The following POLR1F variants were observed in gnomAD, a reference collection of about 807,000 sequenced individuals.
POLR1F encodes the protein RNA polymerase I subunit F, also known as DNA-directed RNA polymerase I subunit RPA43.
A neutral mutation model predicts 21.8 loss-of-function variants in POLR1F; 23 were observed. That is an observed-to-expected ratio of 1.05 (90% CI 0.76 to 1.49). POLR1F has a LOEUF of 1.49. Ranked by LOEUF, POLR1F falls within the 40% of genes most tolerant of loss-of-function variation. POLR1F has a pLI of 0.00. For missense variants in POLR1F, 435 were observed against 412.1 expected (o/e 1.06, Z -0.48); for synonymous variants, 162 against 152.8 (o/e 1.06, Z -0.45).
chr7:19,698,629 G>C lies in POLR1F; in HGVS notation c.704C>G (p.Pro235Arg). Reference sequence around the variant, plus strand: ...ACCACTGTCCACTTCATATGTCTCTGGGTCTTTCTTCTTTTTCTTCTTTTT... The same window carrying C: ...ACCACTGTCCACTTCATATGTCTCTCGGTCTTTCTTCTTTTTCTTCTTTTT... ...KPKKKKKKKDPETYEVDSGTT... is the reference protein window; with the variant it reads ...KPKKKKKKKDRETYEVDSGTT... Residue 235 changes from proline to arginine, a missense_variant, in exon 4 of 4, where the codon CCA (proline) becomes CGA (arginine). Coordinates refer to ENST00000222567, the MANE Select transcript of POLR1F (RefSeq NM_001002926.2). The C allele has an allele frequency of 6.2e-7, 1 of 1,602,804 alleles. No individual in the cohort carries two copies. Among genetic ancestry groups the C allele is most frequent in the Non-Finnish European group, 8.5e-7 (1 of 1,177,420 alleles).
chr7:19,704,327 C>T (rs190294888), intron 2 of POLR1F, among the ~76,000 whole-genome samples: 84 of 152,284 alleles, frequency 5.5e-4, no homozygotes, highest in Non-Finnish European at 1.0e-3. Context: ...ACTGGAAGAC[C>T]TTTCCCACAG....
In POLR1F at chr7:19,696,094, T is replaced by G. The variant is rs557332516; in HGVS notation, c.*2222A>C. Reference sequence around the variant, plus strand: ...TCTAGTCTAGGCTATAGGGTTTGTATGAGCAAATTCCAAGATAGAAAAGAT... The same window carrying G: ...TCTAGTCTAGGCTATAGGGTTTGTAGGAGCAAATTCCAAGATAGAAAAGAT... On this transcript the variant is annotated 3_prime_UTR_variant, in exon 4 of 4. Coordinates refer to ENST00000222567, the MANE Select transcript of POLR1F (RefSeq NM_001002926.2). 5 of 152,168 alleles carry G rather than the reference T, an allele frequency of 3.3e-5. No individual in the cohort carries two copies. In the South Asian group the frequency reaches 6.2e-4, roughly 19 times the overall value. The allele number at this position is 152,168 out of a possible 1,614,324, so 9.4% of individuals were successfully genotyped here.
chr7:19,696,336 T>TTTAA lies in POLR1F; in HGVS notation c.*1976_*1979dup, dbSNP rs1783364214. 1 of 152,090 alleles carries TTTAA rather than the reference T, an allele frequency of 6.6e-6. No homozygotes were observed. The highest frequency in any genetic ancestry group is 6.5e-5 in the Admixed American group (1 of 15,268). 9.4% of individuals were successfully genotyped at this position (152,090 alleles called of 1,614,324 possible). A position where few individuals can be genotyped will look rare whatever the true frequency, so the allele number is the denominator to read the frequency against. On this transcript the variant is annotated 3_prime_UTR_variant, in exon 4 of 4. Transcript: ENST00000222567. ...TTCAAGTTCAGCATGCCGTTCCCTG[T>TTTAA]TTAATTCATAAAACACAACTGGCAG... is the stretch of plus-strand genomic sequence containing the variant.
chr7:19,701,623 A>G (rs1046711726), intron 2 of POLR1F, among the ~76,000 whole-genome samples: 5 of 152,194 alleles, frequency 3.3e-5, no homozygotes, highest in African/African-American at 1.2e-4. Context: ...ACCTTAGAGC[A>G]TTAAGTTACA....
chr7:19,702,918 C>A (rs913555678), intron 2 of POLR1F, among the ~76,000 whole-genome samples: 1 of 152,162 alleles, frequency 6.6e-6, no homozygotes, highest in African/African-American at 2.4e-5. Flanking sequence ...AATGGGAAAT[C>A]AGTCTGACAA....
At position 19,696,087 on chromosome 7, in the gene POLR1F, G is replaced by A. The variant is rs1490830839; in HGVS notation, c.*2229C>T. 1 of 152,072 alleles carries A rather than the reference G, an allele frequency of 6.6e-6. No homozygotes were observed. Among genetic ancestry groups the A allele is most frequent in the Non-Finnish European group, 1.5e-5 (1 of 67,940 alleles). 9.4% of individuals were successfully genotyped at this position (152,072 alleles called of 1,614,324 possible). A position where few individuals can be genotyped will look rare whatever the true frequency, so the allele number is the denominator to read the frequency against. ...TAAGGGATCTAGTCTAGGCTATAGG[G>A]TTTGTATGAGCAAATTCCAAGATAG... On this transcript the variant is annotated 3_prime_UTR_variant, in exon 4 of 4. Coordinates refer to ENST00000222567, the MANE Select transcript of POLR1F (RefSeq NM_001002926.2).
At position 19,695,993 on chromosome 7, in the gene POLR1F, T is replaced by G. The variant is rs1223468825; in HGVS notation, c.*2323A>C. On this transcript the variant is annotated 3_prime_UTR_variant, in exon 4 of 4. Coordinates refer to ENST00000222567, the MANE Select transcript of POLR1F (RefSeq NM_001002926.2). ...GCAGAAACTGCTTAAAAGTCATTTC[T>G]GTATCACTGGTGACTAGTGAGGTGT... The G allele has an allele frequency of 1.3e-5, 2 of 152,214 alleles. No homozygotes were observed. 9.4% of individuals were successfully genotyped at this position (152,214 alleles called of 1,614,324 possible).
chr7:19,697,930 A>G lies in POLR1F; in HGVS notation c.*386T>C, dbSNP rs562668195. 1.3e-5 allele frequency: 2 copies of G among 158,106 alleles called. No homozygotes were observed. Among genetic ancestry groups the G allele is most frequent in the East Asian group, 3.7e-4 (2 of 5,404 alleles). The allele number at this position is 158,106 out of a possible 1,614,324, so 9.8% of individuals were successfully genotyped here. ...AATAGCATGTAATAAGGTGAAGCCTATTAAACACACACAAAATCAAATCAT... is the reference window on the plus strand; with the variant it reads ...AATAGCATGTAATAAGGTGAAGCCTGTTAAACACACACAAAATCAAATCAT... On this transcript the variant is annotated 3_prime_UTR_variant, in exon 4 of 4. Coordinates refer to ENST00000222567, the MANE Select transcript of POLR1F (RefSeq NM_001002926.2).
chr7:19,703,599 T>C (rs1335121336), intron 2 of POLR1F, among the ~76,000 whole-genome samples: 2 of 152,136 alleles, frequency 1.3e-5, no homozygotes, highest in African/African-American at 4.8e-5. Flanking sequence ...TCCGTGTATG[T>C]GTGTGTGTAT....
Position 19,708,689 on chromosome 7 carries a change from C to A in POLR1F, c.254+74G>T, listed in dbSNP as rs1161931671. On this transcript the variant is annotated intron_variant, in intron 1 of 3. Coordinates refer to ENST00000222567, the MANE Select transcript of POLR1F (RefSeq NM_001002926.2). ...TGCGACCTTTGCCATTTGCCCCTTT[C>A]TGCTGCGTCGTCAGCACATCCACCT... The A allele has an allele frequency of 7.7e-6, 12 of 1,550,396 alleles. No individual in the cohort carries two copies. In the Admixed American group the frequency reaches 2.1e-4, roughly 28 times the overall value.
rs1406582789 is a variant in POLR1F at position 19,698,363 on chromosome 7, G to A, written c.970C>T (p.Pro324Ser). The change falls in exon 4 of 4, where the codon CCT becomes TCT. Residue 324 changes from proline to serine, a missense_variant. Transcript: ENST00000222567. ...KHSEEAEFTP[P>S]LKCSPKRKGK... ...TTTCTTTTTGGTGAGCATTTCAAAG[G>A]TGGGGTAAATTCGGCCTCTTCACTG... The A allele has an allele frequency of 7.0e-6, 11 of 1,581,248 alleles. No homozygotes were observed. Among genetic ancestry groups the A allele is most frequent in the Non-Finnish European group, 9.4e-6 (11 of 1,171,922 alleles).
chr7:19,700,349 C>CA, intron 2 of POLR1F, 69 bp from the exon 3 acceptor site: 1 of 1,125,194 alleles, frequency 8.9e-7, no homozygotes, highest in African/African-American at 1.5e-5. Context: ...GTGAACCAAA[C>CA]TTTACAAGCT....
At chr7:19,707,351 A>T (rs765513950) in intron 1 of POLR1F, among the ~76,000 whole-genome samples, 7 of 152,160 alleles carry the variant, frequency 4.6e-5, no homozygotes, top group Admixed American at 2.6e-4. Flanking sequence ...AGAAACACAA[A>T]AGGAAAAACA....
chr7:19,706,168 C>T (rs1167081866), intron 1 of POLR1F, among the ~76,000 whole-genome samples: 2 of 152,096 alleles, frequency 1.3e-5, no homozygotes, highest in East Asian at 3.9e-4. Context: ...CCAGAAGCCA[C>T]AGAAAATACA....
rs1783402659 is a variant in POLR1F, at chr7:19,698,410, T to G, written c.923A>C (p.Lys308Thr). The change falls in exon 4 of 4, where the codon AAG becomes ACG. Residue 308 changes from lysine (K) to threonine (T), a missense_variant. Physicochemically the swap from Lys to Thr is moderately conservative, Grantham distance 78. Coordinates refer to ENST00000222567, the MANE Select transcript of POLR1F (RefSeq NM_001002926.2). ...ACTGTGTTTTCTTTTCTTTTTTTTC[T>G]TTTTATGGTCACTTTGGTAACCACT... ...DSSGYQSDHKKKKKKRKHSEE... is the reference protein window; with the variant it reads ...DSSGYQSDHKTKKKKRKHSEE... 6.2e-7 allele frequency: 1 copy of G among 1,607,704 alleles called. No individual in the cohort carries two copies. Among genetic ancestry groups the G allele is most frequent in the African/African-American group, 1.3e-5 (1 of 74,366 alleles).
rs1480274693 is a variant in POLR1F, at chr7:19,708,865, C to T, written c.152G>A (p.Gly51Glu). 2.5e-6 allele frequency: 4 copies of T among 1,614,190 alleles called. No individual in the cohort carries two copies. The South Asian group carries it at 4.4e-5, about 18-fold the overall frequency. ...CAGCGCGATGTGCCTTTGGTGCGGCCCGGCCACCAGGCATGAGTAGCGACT... is the reference window on the plus strand; with the variant it reads ...CAGCGCGATGTGCCTTTGGTGCGGCTCGGCCACCAGGCATGAGTAGCGACT... ...VNSRYSCLVA[G>E]PHQRHIALSP... Residue 51 changes from glycine (G) to glutamate (E), a missense_variant, in exon 1 of 4, where the codon GGG becomes GAG. Gly to Glu is a moderately conservative substitution (Grantham distance 98). Transcript: ENST00000222567.
chr7:19,704,908 G>A lies in POLR1F; in HGVS notation c.267C>T (p.Val89=), dbSNP rs141305121. The A allele has an allele frequency of 9.2e-5, 146 of 1,584,292 alleles. No individual in the cohort carries two copies. The African/African-American group carries it at 1.6e-3, about 18-fold the overall frequency. Reference sequence around the variant, plus strand: ...CTTTGATGTTATCATATGCAATAGGGACACCTAAAAGGCTGTAAAAAGAAA... The same window carrying A: ...CTTTGATGTTATCATATGCAATAGGAACACCTAAAAGGCTGTAAAAAGAAA... The part of the protein sequence containing the change: ...LLRYSESLLG[V]PIAYDNIKVV... Residue 89 remains valine (V), a synonymous_variant, in exon 2 of 4, where the codon GTC becomes GTT. Coordinates refer to ENST00000222567, the MANE Select transcript of POLR1F (RefSeq NM_001002926.2).
In POLR1F at chr7:19,704,673, A is replaced by G. The variant is rs555313379; in HGVS notation, c.396+106T>C. 22 of 990,822 alleles carry G rather than the reference A, an allele frequency of 2.2e-5. No individual in the cohort carries two copies. In the South Asian group the frequency reaches 3.9e-4, roughly 18 times the overall value. 61.4% of individuals were successfully genotyped at this position (990,822 alleles called of 1,614,324 possible). Reference sequence around the variant, plus strand: ...TAAAAATAATATTTATTTACTCACAATAGCAATTTATTTGAGTCCCAAGGT... The same window carrying G: ...TAAAAATAATATTTATTTACTCACAGTAGCAATTTATTTGAGTCCCAAGGT... On this transcript the variant is annotated intron_variant, in intron 2 of 3. Transcript: ENST00000222567.
intron 1 of POLR1F, 104 bp downstream of exon 1, chr7:19,708,659 G>A (rs1783571290): frequency 6.7e-7 from 1 of 1,486,120 alleles, no homozygotes; most frequent in Admixed American, 1.9e-5. Context: ...AGCTCTGGGG[G>A]GCAATGCGAC....
Sources: gnomAD v4.1 joint callset for allele counts (sites outside exome capture counted in the v4.1 genomes callset) on GRCh38, gnomAD v4.1.1 for gene constraint, MANE v1.5 for transcripts, NCBI Gene and HGNC (gene_info 2026-07-23, HGNC 2026-07-21) for gene names.